Variants in ADAMTSL3 observed in about 807,000 individuals in gnomAD.
ADAMTSL3 encodes the protein ADAMTS like 3, also known as ADAMTS-like protein 3.
Under a neutral mutation model 201.7 loss-of-function variants are expected in ADAMTSL3, and 128 were observed. That is an observed-to-expected ratio of 0.63 (90% CI 0.55 to 0.73). The LOEUF (loss-of-function observed/expected upper bound fraction) is 0.73, where lower values mean the gene tolerates loss of function less well. Ranked by LOEUF, ADAMTSL3 falls within the 30% of genes least tolerant of loss-of-function variation. ADAMTSL3 has a pLI of 0.00. For missense variants in ADAMTSL3, 1,990 were observed against 2,119.6 expected (o/e 0.94, Z 1.20); for synonymous variants, 738 against 748.4 (o/e 0.99, Z 0.23).
chr15:83,858,535 G>T (rs1211035444), intron 7 of ADAMTSL3, among the ~76,000 whole-genome samples: 2 of 152,250 alleles, frequency 1.3e-5, no homozygotes, highest in African/African-American at 4.8e-5. Flanking sequence ...ATCACACCTG[G>T]TTAATTTTTG....
chr15:84,018,107 A>G (rs2068120663), intron 25 of ADAMTSL3, among the ~76,000 whole-genome samples: 2 of 152,214 alleles, frequency 1.3e-5, no homozygotes, highest in Admixed American at 1.3e-4. Context: ...AAAAACAAAA[A>G]GGATATGTGT....
At chr15:83,803,073 A>G (rs1197422742) in intron 4 of ADAMTSL3, among the ~76,000 whole-genome samples, 1 of 152,210 alleles carries the variant, frequency 6.6e-6, no homozygotes, top group African/African-American at 2.4e-5. Context: ...TTTTCCAAAG[A>G]ATTATCATTG....
At chr15:83,773,497 T>G (rs2063020094) in intron 3 of ADAMTSL3, 26 bp from the exon 4 acceptor site, 1 of 1,609,894 alleles carries the variant, frequency 6.2e-7, no homozygotes, top group South Asian at 1.1e-5. Flanking sequence ...GGTTTTTTTT[T>G]TGTTTGTTTG....
chr15:83,964,816 G>A (rs1435021970), intron 19 of ADAMTSL3, among the ~76,000 whole-genome samples: 1 of 152,206 alleles, frequency 6.6e-6, no homozygotes, highest in Non-Finnish European at 1.5e-5. Context: ...CAGACTAACA[G>A]TGGATCTCTC....
intron 15 of ADAMTSL3, among the ~76,000 whole-genome samples, chr15:83,912,169 T>A (rs1271292855): frequency 6.6e-6 from 1 of 151,978 alleles, no homozygotes; most frequent in Non-Finnish European, 1.5e-5. Flanking sequence ...TGTGCAGGGG[T>A]CCAGTAAAGG....
intron 3 of ADAMTSL3, among the ~76,000 whole-genome samples, chr15:83,759,671 A>G (rs2062777801): frequency 6.6e-6 from 1 of 152,224 alleles, no homozygotes; most frequent in South Asian, 2.1e-4. Context: ...GAGAAGTGGA[A>G]GACAGGAAGG....
rs548428784 is a variant in ADAMTSL3 at position 83,932,367 on chromosome 15, G to A, written c.2117+8334G>A. Among the ~76,000 whole-genome samples the A allele has an allele frequency of 2.0e-5, 3 of 152,296 alleles. No homozygotes were observed. The South Asian group carries it at 6.2e-4, about 32-fold the overall frequency. ...CCTCAGAAGACAAAAACAAGCTGAA[G>A]CATTGCCTTAGTGGGGACAGTTGTC... On this transcript the variant is annotated intron_variant, in intron 17 of 29. Coordinates refer to ENST00000286744, the MANE Select transcript of ADAMTSL3 (RefSeq NM_207517.3).
intron 4 of ADAMTSL3, among the ~76,000 whole-genome samples, chr15:83,788,114 T>C (rs142840219): frequency 1.2e-3 from 189 of 152,326 alleles, no homozygotes; most frequent in Non-Finnish European, 2.2e-3. Flanking sequence ...CTTGCTTTTT[T>C]ATTTGCTTGT....
At chr15:83,659,046 A>G (rs183942529) in intron 2 of ADAMTSL3, among the ~76,000 whole-genome samples, 27 of 152,280 alleles carry the variant, frequency 1.8e-4, no homozygotes, top group Non-Finnish European at 2.2e-4. Flanking sequence ...GTATATCTGA[A>G]TGGCCCTCCA....
At chr15:83,699,374 G>A (rs2061735135) in intron 2 of ADAMTSL3, among the ~76,000 whole-genome samples, 1 of 152,126 alleles carries the variant, frequency 6.6e-6, no homozygotes, top group Non-Finnish European at 1.5e-5. Flanking sequence ...CAAAAACCCA[G>A]AAGTCACCCT....
At chr15:83,657,402 T>C (rs1376033462) in intron 2 of ADAMTSL3, among the ~76,000 whole-genome samples, 2 of 152,068 alleles carry the variant, frequency 1.3e-5, no homozygotes, top group Non-Finnish European at 2.9e-5. Flanking sequence ...GCATAGAAGG[T>C]CATAAAAGGA....
At chr15:83,844,795 A>G (rs1302766013) in intron 7 of ADAMTSL3, among the ~76,000 whole-genome samples, 1 of 152,146 alleles carries the variant, frequency 6.6e-6, no homozygotes, top group Non-Finnish European at 1.5e-5. Flanking sequence ...TAGCATGTAG[A>G]CTGTGTTGCA....
At chr15:83,846,987 T>A (rs905050401) in intron 7 of ADAMTSL3, among the ~76,000 whole-genome samples, 1 of 152,210 alleles carries the variant, frequency 6.6e-6, no homozygotes, top group Non-Finnish European at 1.5e-5. Flanking sequence ...TATTGGTCAG[T>A]CTGCCTGTTA....
intron 16 of ADAMTSL3, among the ~76,000 whole-genome samples, chr15:83,913,593 A>G (rs2065975527): frequency 6.6e-6 from 1 of 152,128 alleles, no homozygotes; most frequent in Admixed American, 6.5e-5. Context: ...ACTAACCAAA[A>G]AAAGTATATT....
intron 3 of ADAMTSL3, among the ~76,000 whole-genome samples, chr15:83,755,657 T>G (rs927927769): frequency 2.0e-5 from 3 of 152,264 alleles, no homozygotes; most frequent in African/African-American, 7.2e-5. Context: ...GCTTCTCTAC[T>G]TATTTGTCAG....
At chr15:84,035,821 G>GT (rs2068493925) in intron 28 of ADAMTSL3, among the ~76,000 whole-genome samples, 2 of 151,952 alleles carry the variant, frequency 1.3e-5, no homozygotes, top group South Asian at 2.1e-4. Flanking sequence ...GGAAGTCATT[G>GT]TTTTTTTTCT....
intron 2 of ADAMTSL3, among the ~76,000 whole-genome samples, chr15:83,674,642 C>T (rs12899162): frequency 1.3e-5 from 2 of 148,176 alleles, no homozygotes; most frequent in Non-Finnish European, 3.0e-5. Flanking sequence ...TATATATACA[C>T]ACATATACAT....
intron 15 of ADAMTSL3, among the ~76,000 whole-genome samples, chr15:83,907,885 G>A (rs1451271063): frequency 6.6e-6 from 1 of 152,150 alleles, no homozygotes; most frequent in Non-Finnish European, 1.5e-5. Flanking sequence ...TTTCCTATGA[G>A]TAAATAGCCA....
intron 6 of ADAMTSL3, among the ~76,000 whole-genome samples, chr15:83,822,375 G>A (rs1337910113): frequency 4.7e-5 from 7 of 149,032 alleles, no homozygotes; most frequent in Admixed American, 2.0e-4. Context: ...GCTGCCGGGC[G>A]GAGGGTCTCC....
Sources: gnomAD v4.1 joint callset for allele counts (sites outside exome capture counted in the v4.1 genomes callset) on GRCh38, gnomAD v4.1.1 for gene constraint, MANE v1.5 for transcripts, NCBI Gene and HGNC (gene_info 2026-07-23, HGNC 2026-07-21) for gene names.